Variants in ANKRD33B observed in about 807,000 individuals in gnomAD.
The protein encoded by ANKRD33B is ankyrin repeat domain 33B.
In ANKRD33B, 6 loss-of-function variants were observed where a neutral mutation model predicts 21.5. That is an observed-to-expected ratio of 0.28 (90% CI 0.15 to 0.55). The LOEUF is 0.55. Among genes scored for constraint, ANKRD33B ranks in the 20% least tolerant of loss-of-function variants. ANKRD33B has a pLI of 0.94. For synonymous variants in ANKRD33B, 347 were observed against 342.4 expected (o/e 1.01, Z -0.15); for missense variants, 698 against 747.2 (o/e 0.93, Z 0.77).
chr5:10,607,955 G>A (rs538093847), intron 1 of ANKRD33B, among the ~76,000 whole-genome samples: 3 of 152,202 alleles, frequency 2.0e-5, no homozygotes, highest in Non-Finnish European at 2.9e-5. Context: ...GCGTCCTCTC[G>A]TGACCTGTGG....
intron 1 of ANKRD33B, among the ~76,000 whole-genome samples, chr5:10,586,254 C>T (rs1735557415): frequency 6.6e-6 from 1 of 152,110 alleles, no homozygotes; most frequent in African/African-American, 2.4e-5. Flanking sequence ...TATACAGAGT[C>T]AGCCCTCTGT....
intron 2 of ANKRD33B, among the ~76,000 whole-genome samples, chr5:10,632,279 G>A (rs1233053785): frequency 6.6e-6 from 1 of 152,084 alleles, no homozygotes; most frequent in African/African-American, 2.4e-5. Context: ...CCAGGAGAGG[G>A]GTTTGCGTGA....
At chr5:10,614,615 C>G (rs1467084450) in intron 1 of ANKRD33B, among the ~76,000 whole-genome samples, 2 of 151,954 alleles carry the variant, frequency 1.3e-5, no homozygotes, top group African/African-American at 4.8e-5. Context: ...GGCTGGGTGC[C>G]ATGGCTCACA....
intron 2 of ANKRD33B, among the ~76,000 whole-genome samples, chr5:10,629,242 C>T (rs1030063720): frequency 6.6e-6 from 1 of 152,088 alleles, no homozygotes; most frequent in Non-Finnish European, 1.5e-5. Context: ...CCCATGGGGA[C>T]GTGGTAGCCC....
Position 10,576,508 on chromosome 5 carries a change from C to A in ANKRD33B, c.366+11675C>A, listed in dbSNP as rs890862567. 6.6e-6 allele frequency among the ~76,000 whole-genome samples: 1 copy of A among 152,182 alleles called. No individual in the cohort carries two copies. The highest frequency in any genetic ancestry group is 2.4e-5 in the African/African-American group (1 of 41,452). On this transcript the variant is annotated intron_variant, in intron 1 of 3. Transcript: ENST00000296657. This position sits in a 1 kb window ranked among gnomAD's most constrained non-coding sequence, Gnocchi z 4.1. ...GTTGGTTGCATGATCCTGGACAAGT[C>A]CCATGATCTTTTGATCTTTAGTTTC...
chr5:10,643,384 G>C (rs1213474593), intron 3 of ANKRD33B, among the ~76,000 whole-genome samples: 1 of 152,054 alleles, frequency 6.6e-6, no homozygotes, highest in Non-Finnish European at 1.5e-5. Flanking sequence ...AGTCTCCCAG[G>C]TTGGGGGAAA....
At chr5:10,570,290 G>A (rs1183831788) in intron 1 of ANKRD33B, among the ~76,000 whole-genome samples, 1 of 152,182 alleles carries the variant, frequency 6.6e-6, no homozygotes, top group Non-Finnish European at 1.5e-5. Context: ...TGTTGGGGGT[G>A]GCCTATCTCA....
Position 10,622,646 on chromosome 5 carries a change from C to A in ANKRD33B, c.496+4184C>A, listed in dbSNP as rs372609385. Reference sequence around the variant, plus strand: ...TTTGCTTCTTGCAATAAACCAATTTCATTTTTTAAATTGTTTCCTAGGCAC... The same window carrying A: ...TTTGCTTCTTGCAATAAACCAATTTAATTTTTTAAATTGTTTCCTAGGCAC... On this transcript the variant is annotated intron_variant, in intron 2 of 3. Transcript: ENST00000296657. 8.5e-5 allele frequency among the ~76,000 whole-genome samples: 13 copies of A among 152,204 alleles called. No individual in the cohort carries two copies. In the East Asian group the frequency reaches 1.4e-3, roughly 16 times the overall value.
chr5:10,625,560 G>A (rs528899209), intron 2 of ANKRD33B, among the ~76,000 whole-genome samples: 4 of 152,332 alleles, frequency 2.6e-5, no homozygotes, highest in African/African-American at 4.8e-5. Context: ...CTTCCTGCAC[G>A]GGGATGTGTG....
At chr5:10,626,310 G>A (rs1579744102) in intron 2 of ANKRD33B, among the ~76,000 whole-genome samples, 1 of 152,252 alleles carries the variant, frequency 6.6e-6, no homozygotes, top group Non-Finnish European at 1.5e-5. Context: ...AGCAAGGGCT[G>A]TGCCTGTTTT....
chr5:10,589,229 G>A (rs373027013), intron 1 of ANKRD33B, among the ~76,000 whole-genome samples: 3 of 151,938 alleles, frequency 2.0e-5, no homozygotes, highest in South Asian at 2.1e-4. Flanking sequence ...TCCGTTTCTC[G>A]TTCCCCACCT....
chr5:10,618,750 C>T (rs959990922), intron 2 of ANKRD33B, among the ~76,000 whole-genome samples: 2 of 152,222 alleles, frequency 1.3e-5, no homozygotes, highest in African/African-American at 4.8e-5. Context: ...GCCTCACACT[C>T]CATCCTGCTC....
chr5:10,604,590 G>A (rs1736003596), intron 1 of ANKRD33B, among the ~76,000 whole-genome samples: 1 of 151,564 alleles, frequency 6.6e-6, no homozygotes, highest in Non-Finnish European at 1.5e-5. Context: ...GTCCAGAGAG[G>A]AGATTTTCTT....
intron 1 of ANKRD33B, among the ~76,000 whole-genome samples, chr5:10,586,997 TTTTA>T (rs1001650687): frequency 6.7e-6 from 1 of 149,354 alleles, no homozygotes; most frequent in Non-Finnish European, 1.5e-5. Context: ...ATTTTAGTGA[TTTTA>T]TTTATTATTT....
intron 1 of ANKRD33B, among the ~76,000 whole-genome samples, chr5:10,579,886 C>T (rs1253164656): frequency 6.6e-6 from 1 of 152,178 alleles, no homozygotes; most frequent in African/African-American, 2.4e-5. Context: ...TGGTTTTTAT[C>T]ATGTTCACAG....
At chr5:10,577,109 T>TCCCTTCCCCTTC (rs1222385557) in intron 1 of ANKRD33B, among the ~76,000 whole-genome samples, 7 of 150,098 alleles carry the variant, frequency 4.7e-5, no homozygotes, top group African/African-American at 1.7e-4. Context: ...CCTTCCCCTT[T>TCCCTTCCCCTTC]CCCTTCCCCT....
At position 10,619,496 on chromosome 5, in the gene ANKRD33B, G is replaced by A. The variant is rs1230121291; in HGVS notation, c.496+1034G>A. On this transcript the variant is annotated intron_variant, in intron 2 of 3. Coordinates refer to ENST00000296657, the MANE Select transcript of ANKRD33B (RefSeq NM_001164440.2). This position sits in a 1 kb window ranked among gnomAD's most constrained non-coding sequence, Gnocchi z 4.5. ...ACCCTGGGTGGATCTGATGGGTGGG[G>A]GGCCAGGGAGGCTGGAAAACCAGTG... is the stretch of plus-strand genomic sequence containing the variant. 3 of 513,896 alleles carry A rather than the reference G, an allele frequency of 5.8e-6. No individual in the cohort carries two copies. The highest frequency in any genetic ancestry group is 7.5e-6 in the Non-Finnish European group (3 of 399,496). The allele number at this position is 513,896 out of a possible 1,614,324, so 31.8% of individuals were successfully genotyped here. A position where few individuals can be genotyped will look rare whatever the true frequency, so the allele number is the denominator to read the frequency against.
At chr5:10,611,919 G>A (rs1736180256) in intron 1 of ANKRD33B, among the ~76,000 whole-genome samples, 1 of 152,178 alleles carries the variant, frequency 6.6e-6, no homozygotes, top group African/African-American at 2.4e-5. Context: ...GCCAGCAGGT[G>A]GTGATTGATA....
intron 1 of ANKRD33B, among the ~76,000 whole-genome samples, chr5:10,608,311 T>C (rs1736094911): frequency 6.6e-6 from 1 of 150,662 alleles, no homozygotes; most frequent in Non-Finnish European, 1.5e-5. Context: ...TGAGCCAAGA[T>C]TGTGCCACTG....
Sources: allele counts gnomAD v4.1 joint callset (sites outside exome capture counted in the v4.1 genomes callset), GRCh38; gene constraint gnomAD v4.1.1; non-coding constraint Gnocchi (gnomAD v3.1); transcripts MANE v1.5; gene names NCBI Gene and HGNC (gene_info 2026-07-23, HGNC 2026-07-21).